Variants in ZNF569 observed in about 807,000 individuals in gnomAD.
The protein encoded by ZNF569 is DNA-binding protein.
A neutral mutation model predicts 56.3 loss-of-function variants in ZNF569; 38 were observed. The observed-to-expected ratio is 0.68, with a 90% CI of 0.52 to 0.88. The LOEUF is 0.88. ZNF569 is among the 40% of genes least tolerant of loss of function. The probability of loss-of-function intolerance (pLI) is 0.00; values close to 1 mark genes in which losing one functional copy is unlikely to be tolerated. For missense variants in ZNF569, 666 were observed against 809.2 expected, an observed-to-expected ratio of 0.82 and a Z score of 2.15; for synonymous variants, 241 against 262.9, an observed-to-expected ratio of 0.92 and a Z score of 0.81.
At chr19:37,414,564 T>C (rs781638101) in intron 5 of ZNF569, 145 bp from the exon 6 acceptor site, 52 of 1,277,688 alleles carry the variant, frequency 4.1e-5, no homozygotes, top group Non-Finnish European at 5.3e-5. Context: ...CAACTGCATA[T>C]ATCTCTTATC....
intron 5 of ZNF569, among the ~76,000 whole-genome samples, chr19:37,415,909 GA>G (rs545408864): frequency 1.0e-3 from 157 of 150,368 alleles, no homozygotes; most frequent in African/African-American, 3.5e-3. Flanking sequence ...AAAAAAAAAA[GA>G]ATATTAAGAA....
intron 5 of ZNF569, among the ~76,000 whole-genome samples, chr19:37,424,173 T>C (rs918660682): frequency 5.3e-5 from 8 of 151,938 alleles, no homozygotes; most frequent in African/African-American, 1.9e-4. Context: ...AAAAATACAG[T>C]GGGAAGTATG....
At chr19:37,442,684 G>A (rs1038666100) in intron 3 of ZNF569, among the ~76,000 whole-genome samples, 3 of 152,118 alleles carry the variant, frequency 2.0e-5, no homozygotes, top group African/African-American at 4.8e-5. Context: ...GAAGTGACAT[G>A]GATTATAAGA....
At chr19:37,448,934 T>C (rs1568741498) in intron 2 of ZNF569, among the ~76,000 whole-genome samples, 1 of 152,190 alleles carries the variant, frequency 6.6e-6, no homozygotes, top group African/African-American at 2.4e-5. Context: ...AGAAGTGTAG[T>C]AATGATTTTT....
chr19:37,464,213 G>A (rs1029452091), intron 2 of ZNF569, among the ~76,000 whole-genome samples: 6 of 151,882 alleles, frequency 4.0e-5, no homozygotes, highest in Admixed American at 2.6e-4. Flanking sequence ...TTTTTGAGAC[G>A]GAGTCTCACT....
chr19:37,466,865 A>C (rs1398731827), intron 1 of ZNF569: 4 of 152,466 alleles, frequency 2.6e-5, no homozygotes, highest in Non-Finnish European at 5.9e-5. Flanking sequence ...TCCCGGGGCC[A>C]CACTCAGCCA....
At chr19:37,426,973 G>A (rs1021936841) in intron 3 of ZNF569, among the ~76,000 whole-genome samples, 3 of 152,130 alleles carry the variant, frequency 2.0e-5, no homozygotes, top group Non-Finnish European at 2.9e-5. Flanking sequence ...ATGACAATTT[G>A]TTTTTTAATG....
At chr19:37,450,359 T>C (rs1363507285) in intron 2 of ZNF569, among the ~76,000 whole-genome samples, 1 of 152,224 alleles carries the variant, frequency 6.6e-6, no homozygotes, top group East Asian at 1.9e-4. Flanking sequence ...TTTATAATAT[T>C]TCTTCATGAT....
intron 2 of ZNF569, among the ~76,000 whole-genome samples, chr19:37,456,981 C>A (rs903069405): frequency 4.6e-4 from 63 of 138,372 alleles, no homozygotes; most frequent in Admixed American, 1.5e-3. Context: ...AAAAAAAAAA[C>A]AAAAAACAAA....
intron 3 of ZNF569, among the ~76,000 whole-genome samples, chr19:37,434,904 C>G (rs2041284886): frequency 6.6e-6 from 1 of 152,210 alleles, no homozygotes; most frequent in Non-Finnish European, 1.5e-5. Context: ...AATCCCACCA[C>G]CCTTTGCTGA....
At chr19:37,425,351 T>C (rs1380865558) in intron 5 of ZNF569, among the ~76,000 whole-genome samples, 1 of 142,070 alleles carries the variant, frequency 7.0e-6, no homozygotes, top group Non-Finnish European at 1.5e-5. Context: ...TGACAGAGTC[T>C]TGCTCTGTCG....
rs1159075515 is a variant in ZNF569 at position 37,412,745 on chromosome 19, T to G, written c.1913A>C (p.Lys638Thr). Residue 638 changes from lysine (K) to threonine (T), a missense_variant, in exon 6 of 6, where the codon AAA becomes ACA. By Grantham distance (78) the Lys-to-Thr change is moderately conservative. Transcript: ENST00000316950. ...GATTTGAGAGAAGGCTTTTCCACAT[T>G]TACTACAGTCGAAGGGTTTCTCACC... Reference protein sequence around the residue: ...HTGEKPFDCSKCGKAFSQISS... With the variant: ...HTGEKPFDCSTCGKAFSQISS... 2 of 1,614,112 alleles carry G rather than the reference T, an allele frequency of 1.2e-6. No individual in the cohort carries two copies.
chr19:37,417,436 A>G (rs916650522), intron 5 of ZNF569, among the ~76,000 whole-genome samples: 1 of 151,928 alleles, frequency 6.6e-6, no homozygotes, highest in Admixed American at 6.6e-5. Flanking sequence ...TTTAGTAGAG[A>G]TGGGGTTTCA....
At chr19:37,453,195 T>C (rs907604096) in intron 2 of ZNF569, among the ~76,000 whole-genome samples, 1 of 152,164 alleles carries the variant, frequency 6.6e-6, no homozygotes, top group African/African-American at 2.4e-5. Context: ...CTGGATGAGT[T>C]AGGGCATCTC....
At chr19:37,436,219 C>G (rs2041307089) in intron 3 of ZNF569, among the ~76,000 whole-genome samples, 1 of 151,978 alleles carries the variant, frequency 6.6e-6, no homozygotes, top group Admixed American at 6.6e-5. Flanking sequence ...AGAAATAAAA[C>G]AACATGCTCC....
intron 2 of ZNF569, among the ~76,000 whole-genome samples, chr19:37,456,050 T>A (rs981252725): frequency 6.6e-6 from 1 of 152,252 alleles, no homozygotes; most frequent in Non-Finnish European, 1.5e-5. Context: ...TTTGGCTAAC[T>A]GTAGGCTTCT....
Position 37,440,959 on chromosome 19 carries a change from TG to T in ZNF569, c.15+3947del, listed in dbSNP as rs143543352. ...ACCAAGAATATCTTGAGACCTTCCATGGCCTTATTTTATACTACCTTGGCCT... is the reference window on the plus strand; with the variant it reads ...ACCAAGAATATCTTGAGACCTTCCATGCCTTATTTTATACTACCTTGGCCT... On this transcript the variant is annotated intron_variant, in intron 3 of 5. Transcript: ENST00000316950. Among the ~76,000 whole-genome samples, 1,051 of 152,324 alleles carry T rather than the reference TG, an allele frequency of 6.9e-3. 26 individuals are homozygous for T. Among genetic ancestry groups the T allele is most frequent in the East Asian group, 0.053 (273 of 5,192 alleles).
chr19:37,466,644 A>T (rs1022092915), intron 1 of ZNF569: 3 of 152,214 alleles, frequency 2.0e-5, no homozygotes, highest in Admixed American at 2.0e-4. Context: ...AACAAAAACA[A>T]AAAAACAACG....
At chr19:37,427,698 A>G (rs993772323) in intron 3 of ZNF569, 5 of 440,192 alleles carry the variant, frequency 1.1e-5, no homozygotes, top group Admixed American at 9.7e-5. Context: ...CCTGCTGAAA[A>G]TCATGATGCT....
Sources: allele counts gnomAD v4.1 joint callset (sites outside exome capture counted in the v4.1 genomes callset), GRCh38; gene constraint gnomAD v4.1.1; transcripts MANE v1.5; gene names NCBI Gene and HGNC (gene_info 2026-07-23, HGNC 2026-07-21).